The following ASB14 variants were observed in gnomAD, a reference collection of about 807,000 sequenced individuals.
ASB14 encodes the protein ankyrin repeat and SOCS box protein 14.
ASB14 carries 63 observed loss-of-function variants against 55.6 expected under a neutral mutation model. That is an observed-to-expected ratio of 1.13 (90% confidence interval 0.92 to 1.40). ASB14 has a LOEUF of 1.40. Among genes scored for constraint, ASB14 ranks in the 40% most tolerant of loss-of-function variants. The probability of loss-of-function intolerance (pLI) is 0.00; values close to 1 mark genes in which losing one functional copy is unlikely to be tolerated. For missense variants in ASB14, 724 were observed against 710.4 expected (o/e 1.02, Z -0.22); for synonymous variants, 256 against 259.9 (o/e 0.98, Z 0.15).
chr3:57,277,249 A>AGT (rs1553639386), intron 9 of ASB14, among the ~76,000 whole-genome samples: 1 of 147,984 alleles, frequency 6.8e-6, no homozygotes, highest in Non-Finnish European at 1.5e-5. Context: ...CCTGGTTGAC[A>AGT]CAGACTCTGT....
chr3:57,273,666 G>C (rs1306616290), intron 10 of ASB14, among the ~76,000 whole-genome samples: 1 of 152,004 alleles, frequency 6.6e-6, no homozygotes, highest in African/African-American at 2.4e-5. Context: ...ACTGGTGACT[G>C]TTTTTCTTTT....
intron 2 of ASB14, among the ~76,000 whole-genome samples, chr3:57,291,167 A>G (rs1298222721): frequency 6.6e-6 from 1 of 152,238 alleles, no homozygotes. Context: ...TAAAAATACT[A>G]TATAGGTTTG....
At chr3:57,279,264 C>CTTTTTCTTT (rs2061016651) in intron 7 of ASB14, among the ~76,000 whole-genome samples, 1 of 88,030 alleles carries the variant, frequency 1.1e-5, no homozygotes, top group African/African-American at 4.4e-5. Flanking sequence ...AAGAGTTTTT[C>CTTTTTCTTT]TTTTTTTTTT....
intron 5 of ASB14, among the ~76,000 whole-genome samples, chr3:57,286,668 C>G (rs943954574): frequency 6.6e-6 from 1 of 152,160 alleles, no homozygotes. Flanking sequence ...TCTCATTGCT[C>G]TAAGACTAAG....
At position 57,289,117 on chromosome 3, in the gene ASB14, ATGCAAAC is replaced by A. The variant is rs1199960824; in HGVS notation, c.123-1_128del. Reference sequence around the variant, plus strand: ...TCTTATAGTCAGCGCTCAAAAAGGAATGCAAACTGCAAAGAAAAAAATACATATGTAA... The same window carrying A: ...TCTTATAGTCAGCGCTCAAAAAGGAATGCAAAGAAAAAAATACATATGTAA... On this transcript the variant is annotated splice_acceptor_variant and coding_sequence_variant, in exon 3 of 11. Coordinates refer to ENST00000487349, the MANE Select transcript of ASB14 (RefSeq NM_001142733.3). LOFTEE classifies it high-confidence loss of function. 3.9e-6 allele frequency: 6 copies of A among 1,528,328 alleles called. No individual in the cohort carries two copies. The South Asian group carries it at 7.2e-5, about 18-fold the overall frequency. The allele number at this position is 1,528,328 out of a possible 1,614,324, so 94.7% of individuals were successfully genotyped here.
rs146006190 is a variant in ASB14 at position 57,292,005 on chromosome 3, A to G, written c.29T>C (p.Ile10Thr). 661 of 1,533,976 alleles carry G rather than the reference A, an allele frequency of 4.3e-4. 1 individual carries two copies. Among genetic ancestry groups the G allele is most frequent in the Non-Finnish European group, 5.4e-4 (619 of 1,143,944 alleles). Reference protein sequence around the residue: MDNYTSDEDIDEDFDTQLII... With the variant: MDNYTSDEDTDEDFDTQLII... ...GAGCTGGGTGTCAAAGTCTTCATCTATGTCTTCATCGCTGGTGTAATTATC... is the reference window on the plus strand; with the variant it reads ...GAGCTGGGTGTCAAAGTCTTCATCTGTGTCTTCATCGCTGGTGTAATTATC... The change falls in exon 2 of 11, where the codon ATA becomes ACA. Residue 10 changes from isoleucine to threonine, a missense_variant. Coordinates refer to ENST00000487349, the MANE Select transcript of ASB14 (RefSeq NM_001142733.3).
At chr3:57,291,089 AAGTT>A (rs777853258) in intron 2 of ASB14, among the ~76,000 whole-genome samples, 1 of 152,196 alleles carries the variant, frequency 6.6e-6, no homozygotes, top group Non-Finnish European at 1.5e-5. Context: ...TAGAATTTAA[AAGTT>A]AGTATTTATG....
chr3:57,278,373 T>C lies in ASB14; in HGVS notation c.1431+4A>G. On this transcript the variant is annotated splice_donor_region_variant and intron_variant, in intron 8 of 10. Transcript: ENST00000487349. ...AGGGAATACAGCCAATACTGTGGACTTACCTTAGTATCTTTGATAACTGTA... is the reference window on the plus strand; with the variant it reads ...AGGGAATACAGCCAATACTGTGGACCTACCTTAGTATCTTTGATAACTGTA... The C allele has an allele frequency of 6.2e-7, 1 of 1,609,488 alleles. No individual in the cohort carries two copies. The highest frequency in any genetic ancestry group is 8.5e-7 in the Non-Finnish European group (1 of 1,175,918).
chr3:57,289,271 C>G, intron 2 of ASB14, 148 bp from the exon 3 acceptor site: 2 of 608,990 alleles, frequency 3.3e-6, no homozygotes, highest in Non-Finnish European at 2.9e-6. Context: ...AATAGAAATA[C>G]TTCTATTTGT....
chr3:57,276,522 TTA>T lies in ASB14; in HGVS notation c.*22+4_*22+5del, dbSNP rs1559519939. 1.9e-6 allele frequency: 3 copies of T among 1,572,118 alleles called. No individual in the cohort carries two copies. The South Asian group carries it at 3.5e-5, about 18-fold the overall frequency. ...AATTTTAAGGAATACAGCTGCAAAATTATACCTTTTCCATTAGAATGGTTTGA... is the reference window on the plus strand; with the variant it reads ...AATTTTAAGGAATACAGCTGCAAAATTACCTTTTCCATTAGAATGGTTTGA... On this transcript the variant is annotated splice_donor_5th_base_variant and intron_variant, in intron 10 of 10. Coordinates refer to ENST00000487349, the MANE Select transcript of ASB14 (RefSeq NM_001142733.3).
intron 7 of ASB14, 62 bp from the exon 8 acceptor site, chr3:57,278,982 A>G: frequency 1.3e-6 from 2 of 1,514,906 alleles, no homozygotes; most frequent in Non-Finnish European, 1.8e-6. Context: ...TAACTTGTTT[A>G]TTATTGTTTT....
At chr3:57,279,264 C>CTT (rs869152915) in intron 7 of ASB14, among the ~76,000 whole-genome samples, 9 of 88,026 alleles carry the variant, frequency 1.0e-4, no homozygotes, top group East Asian at 2.9e-4. Context: ...AAGAGTTTTT[C>CTT]TTTTTTTTTT....
intron 5 of ASB14, 31 bp from the exon 6 acceptor site, chr3:57,283,470 C>A: frequency 1.3e-6 from 2 of 1,543,124 alleles, no homozygotes; most frequent in South Asian, 2.4e-5. Context: ...TGGGCATGTT[C>A]AACGGGAAGT....
chr3:57,282,378 T>C (rs1257032469), intron 6 of ASB14, among the ~76,000 whole-genome samples: 1 of 152,196 alleles, frequency 6.6e-6, no homozygotes, highest in South Asian at 2.1e-4. Context: ...TGGTAAAAAT[T>C]TGCTTTTTTG....
rs776382948 is a variant in ASB14 at position 57,288,286 on chromosome 3, C to G, written c.179G>C (p.Gly60Ala). Residue 60 changes from glycine to alanine, a missense_variant and splice_region_variant, in exon 4 of 11, where the codon GGT becomes GCT. Gly to Ala is a moderately conservative substitution (Grantham distance 60). Coordinates refer to ENST00000487349, the MANE Select transcript of ASB14 (RefSeq NM_001142733.3). ...TAAGTGTGACAATGCATCTTCCTTA[C>G]CTATTAACGAGTCAAATGAGAACAG... ...YKKIVETIEK[G>A]KEDALSHLTK... 37 of 1,536,988 alleles carry G rather than the reference C, an allele frequency of 2.4e-5. No individual in the cohort carries two copies. The highest frequency in any genetic ancestry group is 2.8e-5 in the Non-Finnish European group (32 of 1,146,742).
rs1260356605 is a variant in ASB14 at position 57,280,410 on chromosome 3, C to T, written c.779G>A (p.Gly260Glu). The T allele has an allele frequency of 6.4e-7, 1 of 1,551,432 alleles. No homozygotes were observed. Residue 260 changes from glycine (G) to glutamate (E), a missense_variant, in exon 7 of 11, where the codon GGA becomes GAA. Transcript: ENST00000487349. Reference sequence around the variant, plus strand: ...CAAGAGAGCCACAGCATCTGGATTTCCTCCACTTGCGGCTTCAAGTAAGAT... The same window carrying T: ...CAAGAGAGCCACAGCATCTGGATTTTCTCCACTTGCGGCTTCAAGTAAGAT... ...SSILLEAASG[G>E]NPDAVALLLE...
chr3:57,283,188 T>C lies in ASB14; in HGVS notation c.715+6A>G. 2 of 1,552,194 alleles carry C rather than the reference T, an allele frequency of 1.3e-6. No homozygotes were observed. Among genetic ancestry groups the C allele is most frequent in the Non-Finnish European group, 1.7e-6 (2 of 1,147,010 alleles). ...GTTAGTGTGCTGACCAAACAGAAGA[T>C]CTTGCCTTTCCGCAGTAACATTTCC... On this transcript the variant is annotated splice_donor_region_variant and intron_variant, in intron 6 of 10. Coordinates refer to ENST00000487349, the MANE Select transcript of ASB14 (RefSeq NM_001142733.3).
At chr3:57,289,676 C>A (rs2061112663) in intron 2 of ASB14, among the ~76,000 whole-genome samples, 1 of 148,532 alleles carries the variant, frequency 6.7e-6, no homozygotes. Flanking sequence ...TAAGGATTGT[C>A]ACCTTCCATT....
chr3:57,291,956 A>T lies in ASB14; in HGVS notation c.78T>A (p.Asp26Glu). 6.5e-7 allele frequency: 1 copy of T among 1,536,740 alleles called. No individual in the cohort carries two copies. Among genetic ancestry groups the T allele is most frequent in the Non-Finnish European group, 8.7e-7 (1 of 1,146,270 alleles). The change falls in exon 2 of 11, where the codon GAT becomes GAA. Residue 26 changes from aspartate (D) to glutamate (E), a missense_variant. Transcript: ENST00000487349. ...TQLIIQQSLQDIYKPGTAQHA... is the reference protein window; with the variant it reads ...TQLIIQQSLQEIYKPGTAQHA... ...GTTGTGCTGTTCCTGGCTTATAAATATCCTGCAAACTCTGTTGAATGATGA... is the reference window on the plus strand; with the variant it reads ...GTTGTGCTGTTCCTGGCTTATAAATTTCCTGCAAACTCTGTTGAATGATGA...
Sources: gnomAD v4.1 joint callset for allele counts (sites outside exome capture counted in the v4.1 genomes callset) on GRCh38, gnomAD v4.1.1 for gene constraint, MANE v1.5 for transcripts, NCBI Gene and HGNC (gene_info 2026-07-23, HGNC 2026-07-21) for gene names.